CDCA5: variants seen among roughly 807,000 people sequenced by gnomAD.
CDCA5 encodes sororin.
Under a neutral mutation model 25.7 loss-of-function variants are expected in CDCA5, and 14 were observed. The ratio of observed to expected loss-of-function variants is 0.54; its 90% CI spans 0.36 to 0.85. The LOEUF (loss-of-function observed/expected upper bound fraction) is 0.85. CDCA5 is among the 40% of genes least tolerant of loss of function. The probability of loss-of-function intolerance (pLI) is 0.01; values close to 1 mark genes in which losing one functional copy is unlikely to be tolerated. For missense variants in CDCA5, 307 were observed against 324.5 expected, an observed-to-expected ratio of 0.95 and a Z score of 0.41; for synonymous variants, 127 against 128.7, an observed-to-expected ratio of 0.99 and a Z score of 0.09.
Position 65,079,097 on chromosome 11 carries a change from C to T in CDCA5, c.*10G>A, listed in dbSNP as rs117649318. The T allele has an allele frequency of 0.014, 20,781 of 1,515,518 alleles. 189 individuals carry two copies. Among genetic ancestry groups the T allele is most frequent in the South Asian group, 0.025 (1,807 of 73,718 alleles). 93.9% of individuals were successfully genotyped at this position (1,515,518 alleles called of 1,614,324 possible). A position where few individuals can be genotyped will look rare whatever the true frequency, so the allele number is the denominator to read the frequency against. ...GGGAGAGTCTGGCCAGGTGCACCCC[C>T]CACTGCATCTCATTCAACCAGGAGA... On this transcript the variant is annotated 3_prime_UTR_variant, in exon 6 of 6. Coordinates refer to ENST00000275517, the MANE Select transcript of CDCA5 (RefSeq NM_080668.4).
intron 1 of CDCA5, among the ~76,000 whole-genome samples, chr11:65,070,309 A>C (rs1339836706): frequency 6.6e-6 from 1 of 152,128 alleles, no homozygotes; most frequent in Non-Finnish European, 1.5e-5. Flanking sequence ...TGCATGTGAC[A>C]AGTGTCTAAA....
intron 4 of CDCA5, among the ~76,000 whole-genome samples, chr11:65,082,600 C>A (rs1331146015): frequency 1.3e-5 from 2 of 151,552 alleles, no homozygotes; most frequent in African/African-American, 4.9e-5. Context: ...GTAGCTGGGA[C>A]TATAGGCACG....
At chr11:65,064,041 C>T (rs1464806388), downstream of CDCA5, among the ~76,000 whole-genome samples, 1 of 152,106 alleles carries the variant, frequency 6.6e-6, no homozygotes, top group African/African-American at 2.4e-5. Flanking sequence ...GGAGGGGGCT[C>T]CGTAATAGAC....
At chr11:65,082,631 T>A (rs941716964) in intron 4 of CDCA5, among the ~76,000 whole-genome samples, 10 of 151,856 alleles carry the variant, frequency 6.6e-5, no homozygotes, top group Non-Finnish European at 4.4e-5. Flanking sequence ...CCTGGCTAAT[T>A]TTGTATTTTT....
exon 3 of CDCA5, chr11:65,068,044 C>T (rs918081250): frequency 6.6e-5 from 85 of 1,289,160 alleles, no homozygotes; most frequent in Non-Finnish European, 8.3e-5. Flanking sequence ...GGTCTTTTGG[C>T]TCAGTGGGCT....
Position 65,079,482 on chromosome 11 carries a change from C to A in CDCA5, c.549G>T (p.Val183=), listed in dbSNP as rs748926757. The A allele has an allele frequency of 5.6e-6, 9 of 1,614,028 alleles. No individual in the cohort carries two copies. Among genetic ancestry groups the A allele is most frequent in the African/African-American group, 1.3e-5 (1 of 74,914 alleles). The change falls in exon 5 of 6, where the codon GTG becomes GTT. Residue 183 remains valine (V), a synonymous_variant. Transcript: ENST00000275517. ...GGACCTCGGTGAGTTTGGAGCACAC[C>A]ACTGGCGAGACTCCGGACAAGTCTT... is the stretch of plus-strand genomic sequence containing the variant. ...GAEDLSGVSP[V]VCSKLTEVPR...
intron 3 of CDCA5, chr11:65,067,775 G>T (rs1404822436): frequency 7.9e-7 from 1 of 1,270,800 alleles, no homozygotes; most frequent in Non-Finnish European, 1.0e-6. Context: ...GGGTAGTGAA[G>T]GTCAGGCCAG....
At chr11:65,076,804 G>A (rs1302909913), downstream of CDCA5, among the ~76,000 whole-genome samples, 3 of 152,222 alleles carry the variant, frequency 2.0e-5, no homozygotes, top group African/African-American at 7.2e-5. Flanking sequence ...GGACCATGGA[G>A]TGAGCAACTC....
At chr11:65,065,936 T>C (rs1565262652), downstream of CDCA5, among the ~76,000 whole-genome samples, 2 of 152,092 alleles carry the variant, frequency 1.3e-5, no homozygotes, top group Admixed American at 1.3e-4. Flanking sequence ...AGATGGTTAG[T>C]GGCTCTTCCC....
the CDCA5 span, among the ~76,000 whole-genome samples, chr11:65,061,170 C>G: frequency 6.6e-6 from 1 of 152,194 alleles, no homozygotes; most frequent in East Asian, 1.9e-4. Flanking sequence ...ACGTGGCCTC[C>G]CGGACACCAT....
At chr11:65,067,099 T>C (rs1418408237) in intron 4 of CDCA5, among the ~76,000 whole-genome samples, 1 of 152,162 alleles carries the variant, frequency 6.6e-6, no homozygotes, top group Non-Finnish European at 1.5e-5. Flanking sequence ...AGAGACTAAT[T>C]ATGCTTTTTG....
intron 3 of CDCA5, chr11:65,067,961 T>G: frequency 5.3e-6 from 6 of 1,124,198 alleles, no homozygotes; most frequent in Non-Finnish European, 6.0e-6. Context: ...TCCCCCAGTT[T>G]TGTGCGTGCC....
intron 5 of CDCA5, chr11:65,066,717 G>A (rs2137058769): frequency 7.8e-7 from 1 of 1,286,560 alleles, no homozygotes; most frequent in South Asian, 1.2e-5. Context: ...TGGGTAGCCA[G>A]CCATGCAGGA....
At chr11:65,064,417 CAAA>C (rs11318233), downstream of CDCA5, among the ~76,000 whole-genome samples, 38 of 86,304 alleles carry the variant, frequency 4.4e-4, no homozygotes, top group Admixed American at 3.5e-4. Flanking sequence ...GACTCTGTCG[CAAA>C]AAAAAAAAAA....
downstream of CDCA5, among the ~76,000 whole-genome samples, chr11:65,077,115 C>T (rs1947461302): frequency 6.6e-6 from 1 of 152,152 alleles, no homozygotes; most frequent in Admixed American, 6.5e-5. Flanking sequence ...GGTGAAACCT[C>T]ATCTCTAATA....
chr11:65,079,453 C>G lies in CDCA5; in HGVS notation c.578G>C (p.Arg193Thr). ...VVCSKLTEVP[R>T]VCAKPWAPDM... is the part of the protein sequence containing the mutation. Reference sequence around the variant, plus strand: ...TGGGGCCCAGGGCTTTGCACAAACCCTGGGGACCTCGGTGAGTTTGGAGCA... The same window carrying G: ...TGGGGCCCAGGGCTTTGCACAAACCGTGGGGACCTCGGTGAGTTTGGAGCA... Residue 193 changes from arginine (R) to threonine (T), a missense_variant, in exon 5 of 6, where the codon AGG (arginine) becomes ACG (threonine). Arg to Thr is a moderately conservative substitution (Grantham distance 71). Coordinates refer to ENST00000275517, the MANE Select transcript of CDCA5 (RefSeq NM_080668.4). 1 of 1,614,092 alleles carries G rather than the reference C, an allele frequency of 6.2e-7. No homozygotes were observed. The highest frequency in any genetic ancestry group is 1.1e-5 in the South Asian group (1 of 91,084).
chr11:65,078,453 T>C lies in CDCA5; in HGVS notation c.*654A>G, dbSNP rs536925505. The C allele has an allele frequency of 4.1e-6, 4 of 985,582 alleles. No homozygotes were observed. In the East Asian group the frequency reaches 4.5e-4, roughly 112 times the overall value. 61.1% of individuals were successfully genotyped at this position (985,582 alleles called of 1,614,324 possible). A position where few individuals can be genotyped will look rare whatever the true frequency, so the allele number is the denominator to read the frequency against. On this transcript the variant is annotated 3_prime_UTR_variant, in exon 6 of 6. Coordinates refer to ENST00000275517, the MANE Select transcript of CDCA5 (RefSeq NM_080668.4). Reference sequence around the variant, plus strand: ...GCAGACCAGAACTAGAAAACACAGCTTCTGTGTAGTACACACTTATGGTCT... The same window carrying C: ...GCAGACCAGAACTAGAAAACACAGCCTCTGTGTAGTACACACTTATGGTCT...
exon 5 of CDCA5, chr11:65,066,840 C>T: frequency 3.9e-6 from 5 of 1,289,346 alleles, no homozygotes; most frequent in Non-Finnish European, 5.1e-6. Context: ...CCCCCAGGGC[C>T]AGGTTGTGCA....
chr11:65,071,745 G>T (rs551788854), intron 1 of CDCA5, among the ~76,000 whole-genome samples: 1 of 152,180 alleles, frequency 6.6e-6, no homozygotes, highest in Admixed American at 6.5e-5. Flanking sequence ...AAAGCTCCAC[G>T]GTTACCAGTT....
Sources: allele counts gnomAD v4.1 joint callset (sites outside exome capture counted in the v4.1 genomes callset), GRCh38; gene constraint gnomAD v4.1.1; transcripts MANE v1.5; gene names NCBI Gene and HGNC (gene_info 2026-07-23, HGNC 2026-07-21).